PCSK6: variants seen among roughly 807,000 people sequenced by gnomAD.
PCSK6 encodes the protein paired basic amino acid cleaving enzyme 4.
Under a neutral mutation model 123.3 loss-of-function variants are expected in PCSK6, and 85 were observed. That is an observed-to-expected ratio of 0.69 (90% CI 0.58 to 0.83). PCSK6 has a LOEUF of 0.83. Among genes scored for constraint, PCSK6 ranks in the 40% least tolerant of loss-of-function variants. The pLI is 0.00. For synonymous variants in PCSK6, 508 were observed against 516.0 expected (o/e 0.98, Z 0.21); for missense variants, 1,191 against 1,282.3 (o/e 0.93, Z 1.09).
At chr15:101,376,819 C>T (rs555486904) in intron 11 of PCSK6, among the ~76,000 whole-genome samples, 9 of 152,308 alleles carry the variant, frequency 5.9e-5, no homozygotes, top group South Asian at 2.1e-4. Flanking sequence ...ACCCCCAGGG[C>T]GGGACTGCAC....
chr15:101,345,000 T>TA (rs1245873351), intron 13 of PCSK6, among the ~76,000 whole-genome samples: 1 of 152,226 alleles, frequency 6.6e-6, no homozygotes, highest in African/African-American at 2.4e-5. Context: ...TGTATGCCTT[T>TA]AGTGAAACTA....
chr15:101,359,164 T>A (rs1308651970), intron 13 of PCSK6, among the ~76,000 whole-genome samples: 1 of 152,152 alleles, frequency 6.6e-6, no homozygotes, highest in Non-Finnish European at 1.5e-5. Context: ...AAAGCTTGCA[T>A]GGAATGAACT....
intron 6 of PCSK6, among the ~76,000 whole-genome samples, chr15:101,421,568 A>G (rs572553339): frequency 6.6e-6 from 1 of 152,274 alleles, no homozygotes; most frequent in East Asian, 1.9e-4. Flanking sequence ...AAAGCCAGCT[A>G]CCATGTTATG....
intron 13 of PCSK6, among the ~76,000 whole-genome samples, chr15:101,351,933 C>G (rs1054420899): frequency 1.3e-5 from 2 of 152,114 alleles, no homozygotes; most frequent in African/African-American, 4.8e-5. Context: ...GAACACAGCA[C>G]GGCCTCTCAT....
At chr15:101,407,404 C>T (rs1302676025) in intron 6 of PCSK6, among the ~76,000 whole-genome samples, 1 of 152,158 alleles carries the variant, frequency 6.6e-6, no homozygotes, top group African/African-American at 2.4e-5. Flanking sequence ...GGCTTGCTGA[C>T]CCTGGGGAGA....
intron 11 of PCSK6, among the ~76,000 whole-genome samples, chr15:101,380,056 G>A (rs1197964798): frequency 6.6e-6 from 1 of 152,174 alleles, no homozygotes; most frequent in Non-Finnish European, 1.5e-5. Context: ...GTCTGAAACT[G>A]CTAAAGGTAA....
At chr15:101,422,463 A>G (rs540980908) in intron 6 of PCSK6, among the ~76,000 whole-genome samples, 3 of 152,320 alleles carry the variant, frequency 2.0e-5, no homozygotes, top group African/African-American at 7.2e-5. Context: ...CAGGCTTTCC[A>G]CTGAAATACC....
chr15:101,484,148 C>T (rs978809573), intron 1 of PCSK6, among the ~76,000 whole-genome samples: 19 of 152,210 alleles, frequency 1.2e-4, no homozygotes, highest in African/African-American at 4.6e-4. Flanking sequence ...TGTCTAGGCA[C>T]AATTTTGTAT....
At chr15:101,373,445 G>A (rs2041644185) in intron 11 of PCSK6, among the ~76,000 whole-genome samples, 1 of 152,218 alleles carries the variant, frequency 6.6e-6, no homozygotes, top group African/African-American at 2.4e-5. Context: ...GGGGCAGCGC[G>A]GGAGCCCAGG....
intron 6 of PCSK6, among the ~76,000 whole-genome samples, chr15:101,425,067 C>G (rs2056209217): frequency 6.6e-6 from 1 of 152,256 alleles, no homozygotes; most frequent in East Asian, 1.9e-4. Flanking sequence ...AGAGCAGGCA[C>G]CCCATGAGAG....
At chr15:101,397,475 C>T (rs186005711) in intron 7 of PCSK6, among the ~76,000 whole-genome samples, 125 of 152,266 alleles carry the variant, frequency 8.2e-4, no homozygotes, top group African/African-American at 3.0e-3. Flanking sequence ...ATTTAATGGG[C>T]TTGACTCCTG....
At chr15:101,326,588 C>G in intron 15 of PCSK6, 109 bp from the exon 16 acceptor site, 1 of 1,067,844 alleles carries the variant, frequency 9.4e-7, no homozygotes, top group Non-Finnish European at 1.4e-6. Context: ...TTGGGAGACG[C>G]TCCCAGGCCC....
intron 11 of PCSK6, among the ~76,000 whole-genome samples, chr15:101,379,159 C>A (rs140992184): frequency 0.012 from 1,863 of 152,344 alleles, 15 homozygotes; most frequent in Middle Eastern, 0.034. Context: ...GAGGGACATG[C>A]AGAAGGGGTA....
At chr15:101,325,071 G>A (rs1428449117) in intron 16 of PCSK6, 25 bp from the exon 17 acceptor site, 2 of 1,573,878 alleles carry the variant, frequency 1.3e-6, no homozygotes, top group South Asian at 1.1e-5. Context: ...GCAGGAGGGT[G>A]AGGGCCTTGC....
At chr15:101,476,238 C>A (rs2057727773) in intron 1 of PCSK6, among the ~76,000 whole-genome samples, 1 of 152,172 alleles carries the variant, frequency 6.6e-6, no homozygotes, top group African/African-American at 2.4e-5. Context: ...TAAGGGCCAG[C>A]AATCACCATT....
Position 101,383,462 on chromosome 15 carries a change from G to A in PCSK6, c.1414+860C>T, listed in dbSNP as rs868555518. On this transcript the variant is annotated intron_variant, in intron 10 of 21. Transcript: ENST00000611716. ...TCAGGCAAACAAAGCCAGTAGCACTGTCCTAAAATTACCTGCTTCAAAGGC... is the reference window on the plus strand; with the variant it reads ...TCAGGCAAACAAAGCCAGTAGCACTATCCTAAAATTACCTGCTTCAAAGGC... 1.1e-4 allele frequency among the ~76,000 whole-genome samples: 17 copies of A among 149,204 alleles called. No homozygotes were observed. In the South Asian group the frequency reaches 1.9e-3, roughly 17 times the overall value.
At chr15:101,363,928 G>A (rs536725799) in intron 13 of PCSK6, among the ~76,000 whole-genome samples, 2 of 152,072 alleles carry the variant, frequency 1.3e-5, no homozygotes, top group Non-Finnish European at 2.9e-5. Context: ...ATGAGCCACC[G>A]CGCCCAGCCA....
intron 13 of PCSK6, among the ~76,000 whole-genome samples, chr15:101,359,260 C>G (rs143080593): frequency 1.3e-5 from 2 of 152,298 alleles, no homozygotes; most frequent in Admixed American, 6.5e-5. Context: ...CCAGTAGGCC[C>G]TAGAAGGTCA....
chr15:101,457,191 AAAATAAAT>A (rs1273472783), intron 1 of PCSK6, among the ~76,000 whole-genome samples: 1 of 151,682 alleles, frequency 6.6e-6, no homozygotes, highest in African/African-American at 2.4e-5. Flanking sequence ...TAAATAAATA[AAAATAAAT>A]AAATAAATAA....
Sources: allele counts gnomAD v4.1 joint callset (sites outside exome capture counted in the v4.1 genomes callset), GRCh38; gene constraint gnomAD v4.1.1; transcripts MANE v1.5; gene names NCBI Gene and HGNC (gene_info 2026-07-23, HGNC 2026-07-21).